ERG: variants seen among roughly 807,000 people sequenced by gnomAD.
ERG encodes the protein transcriptional regulator ERG.
Under a neutral mutation model 55.3 loss-of-function variants are expected in ERG, and 9 were observed. That is an observed-to-expected ratio of 0.16 (90% CI 0.10 to 0.28). The LOEUF (loss-of-function observed/expected upper bound fraction) is 0.28, where lower values mean the gene tolerates loss of function less well. Ranked by LOEUF, ERG falls within the 10% of genes least tolerant of loss-of-function variation. ERG has a pLI of 1.00. For missense variants in ERG, 434 were observed against 631.6 expected (o/e 0.69, Z 3.35); for synonymous variants, 223 against 237.3 (o/e 0.94, Z 0.55).
At chr21:38,391,087 CAT>C (rs1987947023) in intron 8 of ERG, 45 bp from the exon 9 acceptor site, 1 of 1,515,414 alleles carries the variant, frequency 6.6e-7, no homozygotes, top group Middle Eastern at 1.7e-4. Flanking sequence ...ATAGTTGTAA[CAT>C]AGTATGATGT....
intron 1 of ERG, among the ~76,000 whole-genome samples, chr21:38,648,088 G>T (rs2060467464): frequency 6.6e-6 from 1 of 152,212 alleles, no homozygotes; most frequent in South Asian, 2.1e-4. Context: ...AAGGAAGCAT[G>T]CATTTAACTT....
intron 1 of ERG, among the ~76,000 whole-genome samples, chr21:38,491,386 A>G (rs2059334703): frequency 6.6e-6 from 1 of 152,208 alleles, no homozygotes; most frequent in African/African-American, 2.4e-5. Context: ...AATTTAAAAA[A>G]CAAAAAAACC....
At position 38,383,341 on chromosome 21, in the gene ERG, G is replaced by T; in HGVS notation, c.*62C>A. ...GAGGCACTTTTGATTCATGTTCTCC[G>T]ATAGAGTTTGTGGCGATGGGCTGGT... On this transcript the variant is annotated 3_prime_UTR_variant, in exon 10 of 10. Transcript: ENST00000288319. The surrounding 1 kb of genome is among the most constrained non-coding windows in gnomAD (Gnocchi z 5.7). The T allele has an allele frequency of 7.1e-7, 1 of 1,409,624 alleles. No individual in the cohort carries two copies. The highest frequency in any genetic ancestry group is 2.1e-5 in the South Asian group (1 of 48,502). The allele number at this position is 1,409,624 out of a possible 1,614,324, so 87.3% of individuals were successfully genotyped here.
At chr21:38,459,973 A>G (rs768397698) in intron 1 of ERG, among the ~76,000 whole-genome samples, 5 of 152,226 alleles carry the variant, frequency 3.3e-5, no homozygotes, top group Admixed American at 6.5e-5. Context: ...GTGGTAAGTG[A>G]TAAGTATGAA....
At chr21:38,517,875 G>A (rs921995413) in intron 2 of ERG, among the ~76,000 whole-genome samples, 2 of 152,142 alleles carry the variant, frequency 1.3e-5, no homozygotes, top group Non-Finnish European at 1.5e-5. Flanking sequence ...AATACCACAT[G>A]TTCTCACTCC....
At chr21:38,484,633 T>C (rs1342314801) in intron 1 of ERG, among the ~76,000 whole-genome samples, 1 of 152,222 alleles carries the variant, frequency 6.6e-6, no homozygotes, top group Non-Finnish European at 1.5e-5. Flanking sequence ...CTCTCTTATG[T>C]TTTCTCTACT....
chr21:38,430,210 T>G (rs537479616), intron 2 of ERG, among the ~76,000 whole-genome samples: 4 of 152,318 alleles, frequency 2.6e-5, no homozygotes, highest in African/African-American at 9.6e-5. Context: ...CCATTTGTAT[T>G]TCTTCTTTTG....
chr21:38,456,141 C>T (rs930961787), intron 1 of ERG, among the ~76,000 whole-genome samples: 2 of 152,252 alleles, frequency 1.3e-5, no homozygotes, highest in Non-Finnish European at 2.9e-5. Context: ...AGGCTGCAGT[C>T]TCTACCTCCT....
chr21:38,611,043 A>C (rs2060223794), intron 1 of ERG, among the ~76,000 whole-genome samples: 3 of 152,182 alleles, frequency 2.0e-5, no homozygotes, highest in Admixed American at 2.0e-4. Flanking sequence ...GGTGGAACAC[A>C]GAGGTAATCC....
chr21:38,455,434 A>G (rs1225080311), intron 1 of ERG, among the ~76,000 whole-genome samples: 1 of 151,982 alleles, frequency 6.6e-6, no homozygotes, highest in African/African-American at 2.4e-5. Flanking sequence ...CTTTTTTTCT[A>G]TTGGCATGGT....
At chr21:38,565,249 T>C (rs903268652) in intron 2 of ERG, among the ~76,000 whole-genome samples, 1 of 152,186 alleles carries the variant, frequency 6.6e-6, no homozygotes, top group African/African-American at 2.4e-5. Flanking sequence ...TAATTGGTCT[T>C]CCCTGTTTCA....
At chr21:38,461,715 C>T (rs1291279783) in intron 1 of ERG, among the ~76,000 whole-genome samples, 1 of 152,226 alleles carries the variant, frequency 6.6e-6, no homozygotes, top group East Asian at 1.9e-4. Context: ...AAATGCAAAA[C>T]AATGCCACTT....
At chr21:38,541,170 T>C (rs1372865685) in intron 2 of ERG, among the ~76,000 whole-genome samples, 5 of 152,168 alleles carry the variant, frequency 3.3e-5, no homozygotes, top group Non-Finnish European at 7.3e-5. Flanking sequence ...CAATTATAAA[T>C]CCTTAGGATA....
At chr21:38,493,261 T>A (rs1174180521) in intron 1 of ERG, among the ~76,000 whole-genome samples, 3 of 152,170 alleles carry the variant, frequency 2.0e-5, no homozygotes, top group African/African-American at 7.2e-5. Flanking sequence ...AGGATATTGG[T>A]TATAAAATGG....
At chr21:38,538,406 G>A (rs902345397) in intron 2 of ERG, among the ~76,000 whole-genome samples, 3 of 151,898 alleles carry the variant, frequency 2.0e-5, no homozygotes, top group Non-Finnish European at 4.4e-5. Context: ...AGATTCCTGG[G>A]TCTAGTTGGT....
intron 2 of ERG, among the ~76,000 whole-genome samples, chr21:38,428,545 C>T (rs1244362231): frequency 6.6e-6 from 1 of 152,182 alleles, no homozygotes; most frequent in African/African-American, 2.4e-5. Context: ...AATGAACAGT[C>T]CTGAAGTAGG....
chr21:38,410,049 T>C (rs1388280459), intron 3 of ERG, among the ~76,000 whole-genome samples: 2 of 152,182 alleles, frequency 1.3e-5, no homozygotes, highest in Non-Finnish European at 2.9e-5. Flanking sequence ...TTAAATGAAA[T>C]GTTAGGGGAA....
chr21:38,444,852 C>T (rs2058875264), intron 2 of ERG, among the ~76,000 whole-genome samples: 1 of 152,096 alleles, frequency 6.6e-6, no homozygotes, highest in South Asian at 2.1e-4. Context: ...ACATACGCCG[C>T]ACTGCCTGGC....
chr21:38,554,798 G>A (rs118025445), intron 2 of ERG, among the ~76,000 whole-genome samples: 9 of 149,960 alleles, frequency 6.0e-5, no homozygotes, highest in East Asian at 3.9e-4. Context: ...CGTAACAAAC[G>A]TACACGTGTA....
Sources: allele counts gnomAD v4.1 joint callset (sites outside exome capture counted in the v4.1 genomes callset), GRCh38; gene constraint gnomAD v4.1.1; non-coding constraint Gnocchi (gnomAD v3.1); transcripts MANE v1.5; gene names NCBI Gene and HGNC (gene_info 2026-07-23, HGNC 2026-07-21).